Variants in MDGA1 observed in about 807,000 individuals in gnomAD.
MDGA1 encodes the protein MAM domain-containing glycosylphosphatidylinositol anchor protein 1.
A neutral mutation model predicts 101.5 loss-of-function variants in MDGA1; 54 were observed. The ratio of observed to expected loss-of-function variants is 0.53; its 90% CI spans 0.43 to 0.67. The LOEUF (loss-of-function observed/expected upper bound fraction) is 0.67. MDGA1 is among the 30% of genes least tolerant of loss of function. MDGA1 has a pLI of 0.00. For synonymous variants in MDGA1, 533 were observed against 558.3 expected, an observed-to-expected ratio of 0.95 and a Z score of 0.64; for missense variants, 1,083 against 1,323.8, an observed-to-expected ratio of 0.82 and a Z score of 2.82.
intron 1 of MDGA1, among the ~76,000 whole-genome samples, chr6:37,668,020 G>A (rs762719764): frequency 3.9e-5 from 6 of 152,142 alleles, no homozygotes; most frequent in Non-Finnish European, 8.8e-5. Flanking sequence ...GGAGGCTGAG[G>A]CGGGAGGATC....
rs866346116 is a variant in MDGA1, at chr6:37,654,646, G to T, written c.713-103C>A. On this transcript the variant is annotated intron_variant, in intron 5 of 16. Coordinates refer to ENST00000434837, the MANE Select transcript of MDGA1 (RefSeq NM_153487.4). ...CCATAGAGGCTGGAGAAGCCCTCAG[G>T]GGAGATGAGAGGGGAGAAGACGGAG... 202 of 1,567,454 alleles carry T rather than the reference G, an allele frequency of 1.3e-4. 2 individuals are homozygous for T. In the Middle Eastern group the frequency reaches 1.3e-3, roughly 10 times the overall value.
chr6:37,667,996 A>G (rs1761791289), intron 1 of MDGA1, among the ~76,000 whole-genome samples: 1 of 152,152 alleles, frequency 6.6e-6, no homozygotes, highest in Non-Finnish European at 1.5e-5. Context: ...CTCACTTACA[A>G]TCCCAGCACT....
chr6:37,682,558 C>T (rs145682786), intron 1 of MDGA1, among the ~76,000 whole-genome samples: 4 of 152,278 alleles, frequency 2.6e-5, no homozygotes, highest in Middle Eastern at 3.4e-3. Context: ...TACCTTTGAC[C>T]TTCCATGATT....
At chr6:37,669,326 A>G (rs1561855671) in intron 1 of MDGA1, among the ~76,000 whole-genome samples, 1 of 152,144 alleles carries the variant, frequency 6.6e-6, no homozygotes, top group Non-Finnish European at 1.5e-5. Flanking sequence ...AACAGCATCC[A>G]CTGTCCTGGG....
intron 1 of MDGA1, among the ~76,000 whole-genome samples, chr6:37,682,190 A>T (rs1762110038): frequency 1.3e-5 from 2 of 152,146 alleles, no homozygotes; most frequent in Admixed American, 6.5e-5. Flanking sequence ...TGCCTCTAAA[A>T]ACTGAGCAGG....
Position 37,655,312 on chromosome 6 carries a change from A to T in MDGA1, c.580-380T>A. 1 of 338,968 alleles carries T rather than the reference A, an allele frequency of 3.0e-6. No homozygotes were observed. Among genetic ancestry groups the T allele is most frequent in the African/African-American group, 2.1e-5 (1 of 48,448 alleles). The allele number at this position is 338,968 out of a possible 1,614,324, so 21.0% of individuals were successfully genotyped here. A position where few individuals can be genotyped will look rare whatever the true frequency, so the allele number is the denominator to read the frequency against. ...CCCTCCTTGGCAGAATGGCATCACC[A>T]CCATCTCCTGGGACTATCAGGGCCC... On this transcript the variant is annotated intron_variant, in intron 4 of 16. Transcript: ENST00000434837. The surrounding 1 kb of genome is among the most constrained non-coding windows in gnomAD (Gnocchi z 5.1).
At chr6:37,687,957 AG>A in intron 1 of MDGA1, among the ~76,000 whole-genome samples, 1 of 142,570 alleles carries the variant, frequency 7.0e-6, no homozygotes, top group Non-Finnish European at 1.5e-5. Context: ...AAGCCAGAAA[AG>A]GGGCCAGTCT....
chr6:37,684,343 T>A (rs1263156378), intron 1 of MDGA1, among the ~76,000 whole-genome samples: 1 of 152,164 alleles, frequency 6.6e-6, no homozygotes, highest in African/African-American at 2.4e-5. Context: ...GCCTCTAACA[T>A]CTAACCAGAG....
chr6:37,641,382 G>A (rs1375718425), intron 14 of MDGA1, among the ~76,000 whole-genome samples: 1 of 152,138 alleles, frequency 6.6e-6, no homozygotes, highest in Non-Finnish European at 1.5e-5. Context: ...CAGGGAGGGG[G>A]CATTGGTGTT....
intron 1 of MDGA1, among the ~76,000 whole-genome samples, chr6:37,668,839 TTCTCTC>T (rs369039755): frequency 2.0e-5 from 3 of 151,304 alleles, no homozygotes; most frequent in East Asian, 1.9e-4. Context: ...TTTTCTCTCT[TTCTCTC>T]TCTCTCTCTC....
intron 1 of MDGA1, among the ~76,000 whole-genome samples, chr6:37,688,636 G>T (rs1440556185): frequency 6.6e-6 from 1 of 152,170 alleles, no homozygotes; most frequent in Non-Finnish European, 1.5e-5. Flanking sequence ...ACCTCCTGTT[G>T]CCACATGCCA....
At chr6:37,642,126 G>A (rs79058519) in intron 14 of MDGA1, among the ~76,000 whole-genome samples, 1,473 of 144,240 alleles carry the variant, frequency 0.01, 17 homozygotes, top group Middle Eastern at 0.025. Flanking sequence ...TGTAAAATGG[G>A]AGGAAATAGA....
intron 1 of MDGA1, among the ~76,000 whole-genome samples, chr6:37,670,399 G>A (rs1480432610): frequency 6.6e-6 from 1 of 152,162 alleles, no homozygotes; most frequent in East Asian, 1.9e-4. Flanking sequence ...GCTGTGCAGG[G>A]CTTCAGAGGG....
Position 37,638,241 on chromosome 6 carries a change from C to G in MDGA1, c.2740G>C (p.Gly914Arg). 1 of 1,613,868 alleles carries G rather than the reference C, an allele frequency of 6.2e-7. No individual in the cohort carries two copies. Among genetic ancestry groups the G allele is most frequent in the South Asian group, 1.1e-5 (1 of 91,052 alleles). The change falls in exon 16 of 17, where the codon GGG becomes CGG. Residue 914 changes from glycine to arginine, a missense_variant. Physicochemically the swap from Gly to Arg is moderately radical, Grantham distance 125. Transcript: ENST00000434837. This position sits in a 1 kb window ranked among gnomAD's most constrained non-coding sequence, Gnocchi z 4.8. Reference protein sequence around the residue: ...IAIDDVTLKKGECPRKQTDPN... With the variant: ...IAIDDVTLKKRECPRKQTDPN... The stretch of plus-strand genomic sequence containing the variant: ...TCCGTCTGCTTCCGGGGACACTCCC[C>G]CTTCTTCAGTGTGACGTCATCTATG...
rs1338594392 is a variant in MDGA1, at chr6:37,696,727, C to A, written c.67+18G>T. ...CGCGCGAGGTTAAGCCAAGGTGGAG[C>A]GGGACGCGGGCTCTTACCGTAGACT... On this transcript the variant is annotated intron_variant, in intron 1 of 16. Transcript: ENST00000434837. The surrounding 1 kb of genome is among the most constrained non-coding windows in gnomAD (Gnocchi z 5.6). 1.3e-6 allele frequency: 2 copies of A among 1,567,968 alleles called. No individual in the cohort carries two copies. The highest frequency in any genetic ancestry group is 1.9e-5 in the Admixed American group (1 of 53,950).
At position 37,635,928 on chromosome 6, in the gene MDGA1, T is replaced by C. The variant is rs147574505; in HGVS notation, c.*1440A>G. On this transcript the variant is annotated 3_prime_UTR_variant, in exon 17 of 17. Coordinates refer to ENST00000434837, the MANE Select transcript of MDGA1 (RefSeq NM_153487.4). Reference sequence around the variant, plus strand: ...ACGGACATTCATAGAAACGAATGGGTCTCAATCCAGTCTCACAGGCAGATA... The same window carrying C: ...ACGGACATTCATAGAAACGAATGGGCCTCAATCCAGTCTCACAGGCAGATA... The C allele has an allele frequency of 1.1e-3, 441 of 396,516 alleles. 2 individuals are homozygous for C. In the Middle Eastern group the frequency reaches 0.013, roughly 11 times the overall value. 24.6% of individuals were successfully genotyped at this position (396,516 alleles called of 1,614,324 possible).
In MDGA1 at chr6:37,633,222, A is replaced by C. The variant is rs1443977756; in HGVS notation, c.*4146T>G. 2.6e-5 allele frequency: 4 copies of C among 152,424 alleles called. No homozygotes were observed. The highest frequency in any genetic ancestry group is 9.7e-5 in the African/African-American group (4 of 41,402). The allele number at this position is 152,424 out of a possible 1,614,324, so 9.4% of individuals were successfully genotyped here. A position where few individuals can be genotyped will look rare whatever the true frequency, so the allele number is the denominator to read the frequency against. ...ACACACAAACACACGCACACTCCAC[A>C]CATCACACACATTCTCAGACACACA... On this transcript the variant is annotated 3_prime_UTR_variant, in exon 17 of 17. Coordinates refer to ENST00000434837, the MANE Select transcript of MDGA1 (RefSeq NM_153487.4).
At chr6:37,687,418 AGTT>A (rs1380064100) in intron 1 of MDGA1, among the ~76,000 whole-genome samples, 8 of 149,966 alleles carry the variant, frequency 5.3e-5, no homozygotes, top group African/African-American at 2.0e-4. Flanking sequence ...AAAAAAAAAA[AGTT>A]AGCCGGGCAT....
At chr6:37,659,033 G>A (rs1450994355) in intron 2 of MDGA1, among the ~76,000 whole-genome samples, 2 of 150,918 alleles carry the variant, frequency 1.3e-5, no homozygotes, top group Admixed American at 6.6e-5. Context: ...AAAGCCAGCT[G>A]TCAGGTCCTG....
Sources: gnomAD v4.1 joint callset for allele counts (sites outside exome capture counted in the v4.1 genomes callset) on GRCh38, gnomAD v4.1.1 for gene constraint, Gnocchi (gnomAD v3.1) non-coding constraint, MANE v1.5 for transcripts, NCBI Gene and HGNC (gene_info 2026-07-23, HGNC 2026-07-21) for gene names.